The following NRG3 variants were observed in gnomAD, a reference collection of about 807,000 sequenced individuals.
NRG3 encodes neuregulin 3.
In NRG3, 31 loss-of-function variants were observed where a neutral mutation model predicts 66.9. The observed-to-expected ratio is 0.46, with a 90% CI of 0.35 to 0.63. The LOEUF (loss-of-function observed/expected upper bound fraction) is 0.63. NRG3 is among the 20% of genes least tolerant of loss of function. The pLI is 0.00. For synonymous variants in NRG3, 393 were observed against 359.4 expected (o/e 1.09, Z -1.06); for missense variants, 910 against 878.9 (o/e 1.04, Z -0.45).
chr10:82,715,077 A>C (rs1442184153), intron 2 of NRG3, among the ~76,000 whole-genome samples: 1 of 152,184 alleles, frequency 6.6e-6, no homozygotes, highest in Non-Finnish European at 1.5e-5. Context: ...TTTTTTAGTC[A>C]ATCTCAAGAA....
intron 2 of NRG3, among the ~76,000 whole-genome samples, chr10:82,513,977 G>C (rs956267452): frequency 1.3e-5 from 2 of 151,964 alleles, no homozygotes; most frequent in African/African-American, 4.8e-5. Flanking sequence ...TTGGCCGCAT[G>C]TCTGTCTTCT....
In NRG3 at chr10:82,727,547, G is replaced by A. The variant is rs184315924; in HGVS notation, c.954-11030G>A. Among the ~76,000 whole-genome samples the A allele has an allele frequency of 1.6e-4, 25 of 152,358 alleles. No homozygotes were observed. The East Asian group carries it at 3.5e-3, about 21-fold the overall frequency. On this transcript the variant is annotated intron_variant, in intron 2 of 8. Coordinates refer to ENST00000372141, the MANE Select transcript of NRG3 (RefSeq NM_001010848.4). ...CAAGAATTGAGGTTTGGAAACCTCT[G>A]CCTAGATTTCAGAGGATGTATGCAA...
At chr10:82,255,342 G>C (rs1355482462) in intron 1 of NRG3, among the ~76,000 whole-genome samples, 1 of 152,202 alleles carries the variant, frequency 6.6e-6, no homozygotes, top group Non-Finnish European at 1.5e-5. Context: ...AATGTGGTCT[G>C]CTGGAGGGGA....
intron 1 of NRG3, among the ~76,000 whole-genome samples, chr10:82,049,368 A>T (rs1399238217): frequency 6.6e-6 from 1 of 152,014 alleles, no homozygotes; most frequent in Non-Finnish European, 1.5e-5. Flanking sequence ...AACACTCCTC[A>T]TATATTGCTT....
At chr10:82,035,207 T>C (rs10884066) in intron 1 of NRG3, among the ~76,000 whole-genome samples, 105,779 of 151,886 alleles carry the variant, frequency 0.7, 37,048 homozygotes, top group South Asian at 0.84. Flanking sequence ...TCAAATGCAT[T>C]AACCTGCTCC....
chr10:82,746,061 A>T (rs895790680), intron 3 of NRG3, among the ~76,000 whole-genome samples: 3 of 151,932 alleles, frequency 2.0e-5, no homozygotes, highest in Non-Finnish European at 4.4e-5. Context: ...ACTACTTTTT[A>T]AAAAAATGTT....
intron 1 of NRG3, among the ~76,000 whole-genome samples, chr10:82,090,106 C>A (rs1335670322): frequency 6.6e-6 from 1 of 152,200 alleles, no homozygotes; most frequent in Non-Finnish European, 1.5e-5. Context: ...AAGTACAGTC[C>A]TGTAACAGGC....
intron 1 of NRG3, among the ~76,000 whole-genome samples, chr10:82,213,928 TTCTG>T (rs749400526): frequency 6.6e-6 from 1 of 152,198 alleles, no homozygotes; most frequent in Non-Finnish European, 1.5e-5. Context: ...AGAACCCTGG[TTCTG>T]TCTGTCTTCC....
chr10:82,610,741 G>A (rs2048261716), intron 2 of NRG3, among the ~76,000 whole-genome samples: 1 of 152,132 alleles, frequency 6.6e-6, no homozygotes, highest in African/African-American at 2.4e-5. Flanking sequence ...AAGAGACAAA[G>A]ACCTAAGGTC....
intron 1 of NRG3, chr10:82,224,333 G>C (rs1446240217): frequency 6.6e-6 from 1 of 152,224 alleles, no homozygotes; most frequent in South Asian, 2.1e-4. Flanking sequence ...TTCTTTGCCA[G>C]GTTATCTTCT....
At chr10:81,894,001 A>G (rs1843271806) in intron 1 of NRG3, among the ~76,000 whole-genome samples, 1 of 152,226 alleles carries the variant, frequency 6.6e-6, no homozygotes, top group Non-Finnish European at 1.5e-5. Context: ...CAGTCAGCTA[A>G]GGCTGCTGTA....
intron 2 of NRG3, among the ~76,000 whole-genome samples, chr10:82,688,623 T>G (rs539157234): frequency 6.6e-6 from 1 of 152,312 alleles, no homozygotes; most frequent in East Asian, 1.9e-4. Context: ...ATGAGCTAAT[T>G]TCAGTTTTCT....
rs115044805 is a variant in NRG3 at position 82,741,387 on chromosome 10, C to A, written c.1027+2737C>A. 3.3e-5 allele frequency among the ~76,000 whole-genome samples: 5 copies of A among 152,108 alleles called. No individual in the cohort carries two copies. In the East Asian group the frequency reaches 5.8e-4, roughly 18 times the overall value. Reference sequence around the variant, plus strand: ...TTTTCCGACGTTAGCAGATTTGATTCGGCTTCCAGGCCTCAGGCTTTCACT... The same window carrying A: ...TTTTCCGACGTTAGCAGATTTGATTAGGCTTCCAGGCCTCAGGCTTTCACT... On this transcript the variant is annotated intron_variant, in intron 3 of 8. Coordinates refer to ENST00000372141, the MANE Select transcript of NRG3 (RefSeq NM_001010848.4).
intron 3 of NRG3, among the ~76,000 whole-genome samples, chr10:82,863,011 GCCCCTTA>G (rs1490866937): frequency 2.6e-5 from 4 of 151,794 alleles, no homozygotes; most frequent in Admixed American, 2.6e-4. Context: ...CCCTCCCTTT[GCCCCTTA>G]CCCCCCAACA....
intron 2 of NRG3, among the ~76,000 whole-genome samples, chr10:82,623,799 C>G (rs1252304478): frequency 3.9e-5 from 6 of 152,110 alleles, no homozygotes; most frequent in Non-Finnish European, 8.8e-5. Context: ...TGGGCAAAAA[C>G]AAAAACCTCA....
chr10:82,913,151 G>A (rs184707937), intron 4 of NRG3, among the ~76,000 whole-genome samples: 81 of 152,224 alleles, frequency 5.3e-4, no homozygotes, highest in Non-Finnish European at 9.4e-4. Flanking sequence ...CTTGAACCTG[G>A]GAGGCAGAGC....
At chr10:82,928,282 A>G (rs4933857) in intron 4 of NRG3, among the ~76,000 whole-genome samples, 104,656 of 151,968 alleles carry the variant, frequency 0.69, 36,747 homozygotes, top group African/African-American at 0.83. Context: ...TTCCCATTCT[A>G]TAGGTTGCCT....
At chr10:82,359,017 G>C (rs894253881) in intron 2 of NRG3, 149 bp downstream of exon 2, 1 of 1,151,330 alleles carries the variant, frequency 8.7e-7, no homozygotes, top group African/African-American at 1.5e-5. Flanking sequence ...ATTTGGAAAG[G>C]GCAAGGCTGC....
intron 1 of NRG3, among the ~76,000 whole-genome samples, chr10:82,324,940 A>G (rs1170619627): frequency 1.3e-5 from 2 of 152,170 alleles, no homozygotes; most frequent in Admixed American, 1.3e-4. Flanking sequence ...ACTTTTGTTC[A>G]AGTTTTCTAT....
Sources: gnomAD v4.1 joint callset for allele counts (sites outside exome capture counted in the v4.1 genomes callset) on GRCh38, gnomAD v4.1.1 for gene constraint, MANE v1.5 for transcripts, NCBI Gene and HGNC (gene_info 2026-07-23, HGNC 2026-07-21) for gene names.